The following KPNB1 variants were observed in gnomAD, a reference collection of about 807,000 sequenced individuals.
KPNB1 encodes the protein karyopherin subunit beta 1, also known as importin subunit beta-1.
In KPNB1, 7 loss-of-function variants were observed where a neutral mutation model predicts 113.0. The observed-to-expected ratio is 0.06, with a 90% CI of 0.04 to 0.12. The LOEUF is 0.12. Ranked by LOEUF, KPNB1 falls within the 10% of genes least tolerant of loss-of-function variation. The pLI is 1.00. For synonymous variants in KPNB1, 363 were observed against 378.6 expected, an observed-to-expected ratio of 0.96 and a Z score of 0.48; for missense variants, 400 against 1,054.8, an observed-to-expected ratio of 0.38 and a Z score of 8.60.
intron 5 of KPNB1, 147 bp downstream of exon 5, chr17:47,658,807 T>C: frequency 1.6e-6 from 1 of 642,846 alleles, no homozygotes; most frequent in Non-Finnish European, 2.6e-6. Context: ...CGAGTTCGTA[T>C]TGTGTGAGAT....
chr17:47,674,786 G>A lies in KPNB1; in HGVS notation c.1912+4G>A, dbSNP rs1474841649. On this transcript the variant is annotated splice_donor_region_variant and intron_variant, in intron 15 of 21. Transcript: ENST00000290158. The stretch of plus-strand genomic sequence containing the variant: ...GCAGTTAGCACACTGGTGGAAGGTC[G>A]GTGAGAAATACTGTCTGGTCAGGGA... The A allele has an allele frequency of 2.5e-6, 4 of 1,605,966 alleles. No individual in the cohort carries two copies. The highest frequency in any genetic ancestry group is 1.3e-5 in the African/African-American group (1 of 74,566).
At chr17:47,650,513 C>T in intron 2 of KPNB1, 69 bp downstream of exon 2, 1 of 1,450,628 alleles carries the variant, frequency 6.9e-7, no homozygotes, top group East Asian at 2.4e-5. Flanking sequence ...TTCCCGCCCT[C>T]CCGGAGGCCC....
chr17:47,650,260 A>G lies in KPNB1; in HGVS notation c.16A>G (p.Ile6Val). Residue 6 changes from isoleucine to valine, a missense_variant, in exon 1 of 22, where the codon ATT becomes GTT. This residue lies in a region of KPNB1 where 285 missense variants were observed against 627.0 expected (regional missense o/e 0.45). Transcript: ENST00000290158. MELIT[I>V]LEKTVSPDRL... ...CACCTCCGCCATGGAGCTGATCACCATTCTCGAGAAGACCGTGTCTCCCGG... is the reference window on the plus strand; with the variant it reads ...CACCTCCGCCATGGAGCTGATCACCGTTCTCGAGAAGACCGTGTCTCCCGG... The G allele has an allele frequency of 6.3e-7, 1 of 1,599,226 alleles. No homozygotes were observed. Among genetic ancestry groups the G allele is most frequent in the Non-Finnish European group, 8.5e-7 (1 of 1,174,068 alleles).
chr17:47,661,856 C>T (rs1002447194), intron 6 of KPNB1, among the ~76,000 whole-genome samples: 4 of 152,156 alleles, frequency 2.6e-5, no homozygotes, highest in East Asian at 1.9e-4. Context: ...ACTTCATTGC[C>T]GTAGGTTATT....
At chr17:47,656,802 C>A in intron 3 of KPNB1, 58 bp from the exon 4 acceptor site, 1 of 1,544,512 alleles carries the variant, frequency 6.5e-7, no homozygotes. Flanking sequence ...TGGTGGTGGG[C>A]AAAATGTGGT....
chr17:47,658,597 G>A lies in KPNB1; in HGVS notation c.573G>A (p.Lys191=). The part of the protein sequence containing the change: ...MRKEEPSNNV[K]LAATNALLNS... Reference sequence around the variant, plus strand: ...AAGAAGAGCCTAGTAATAATGTGAAGCTAGCTGCTACGAATGCACTCCTGA... The same window carrying A: ...AAGAAGAGCCTAGTAATAATGTGAAACTAGCTGCTACGAATGCACTCCTGA... Residue 191 remains lysine, a synonymous_variant, in exon 5 of 22, where the codon AAG becomes AAA. Coordinates refer to ENST00000290158, the MANE Select transcript of KPNB1 (RefSeq NM_002265.6). 2 of 1,613,958 alleles carry A rather than the reference G, an allele frequency of 1.2e-6. No homozygotes were observed. Among genetic ancestry groups the A allele is most frequent in the Non-Finnish European group, 1.7e-6 (2 of 1,180,004 alleles).
At chr17:47,668,514 G>A in intron 10 of KPNB1, 104 bp downstream of exon 10, 6 of 862,744 alleles carry the variant, frequency 7.0e-6, no homozygotes, top group Non-Finnish European at 1.1e-5. Context: ...CATCTACAAA[G>A]ATTATCTCTA....
intron 20 of KPNB1, 124 bp from the exon 21 acceptor site, chr17:47,680,384 C>G (rs2030735787): frequency 8.9e-7 from 1 of 1,125,688 alleles, no homozygotes; most frequent in East Asian, 2.4e-5. Context: ...CTAGTGACCT[C>G]TACTGAGGGT....
intron 9 of KPNB1, among the ~76,000 whole-genome samples, 176 bp downstream of exon 9, chr17:47,665,334 G>A (rs903679270): frequency 6.6e-6 from 1 of 152,194 alleles, no homozygotes; most frequent in Non-Finnish European, 1.5e-5. Flanking sequence ...ACTTCTTTGT[G>A]AAGGAGAACT....
At chr17:47,672,453 C>T (rs1052921720) in intron 12 of KPNB1, among the ~76,000 whole-genome samples, 9 of 150,752 alleles carry the variant, frequency 6.0e-5, no homozygotes, top group East Asian at 2.0e-4. Flanking sequence ...GGCTGGAGTG[C>T]GGTCTCGGCC....
intron 6 of KPNB1, among the ~76,000 whole-genome samples, chr17:47,662,781 G>A (rs1472605644): frequency 6.6e-6 from 1 of 152,014 alleles, no homozygotes; most frequent in Non-Finnish European, 1.5e-5. Flanking sequence ...TACTTGGAAG[G>A]CTGAGGCACG....
chr17:47,672,989 C>T (rs2030495919), intron 12 of KPNB1, 29 bp from the exon 13 acceptor site: 1 of 1,593,234 alleles, frequency 6.3e-7, no homozygotes, highest in South Asian at 1.1e-5. Flanking sequence ...TCATTTGAGG[C>T]TTTAAGATTT....
chr17:47,678,425 A>G lies in KPNB1; in HGVS notation c.2353+12A>G. Reference sequence around the variant, plus strand: ...GGAGAACGTACACCGTTGAGTATACAACCCAGTTCCCTTCGTCCGCTCGCC... The same window carrying G: ...GGAGAACGTACACCGTTGAGTATACGACCCAGTTCCCTTCGTCCGCTCGCC... On this transcript the variant is annotated intron_variant, in intron 19 of 21. Transcript: ENST00000290158. 1 of 1,590,330 alleles carries G rather than the reference A, an allele frequency of 6.3e-7. No individual in the cohort carries two copies. Among genetic ancestry groups the G allele is most frequent in the Non-Finnish European group, 8.6e-7 (1 of 1,158,528 alleles).
Position 47,680,146 on chromosome 17 carries a change from C to T in KPNB1, c.2468+12C>T, listed in dbSNP as rs752501304. The T allele has an allele frequency of 1.3e-6, 2 of 1,530,044 alleles. No individual in the cohort carries two copies. Among genetic ancestry groups the T allele is most frequent in the East Asian group, 4.5e-5 (2 of 44,534 alleles). The allele number at this position is 1,530,044 out of a possible 1,614,324, so 94.8% of individuals were successfully genotyped here. A position where few individuals can be genotyped will look rare whatever the true frequency, so the allele number is the denominator to read the frequency against. ...GCTGGACTAATAGGGTAAGTTATACCCTGCTTCTAAGAGCTGAATAGAACT... is the reference window on the plus strand; with the variant it reads ...GCTGGACTAATAGGGTAAGTTATACTCTGCTTCTAAGAGCTGAATAGAACT... On this transcript the variant is annotated intron_variant, in intron 20 of 21. Coordinates refer to ENST00000290158, the MANE Select transcript of KPNB1 (RefSeq NM_002265.6).
Position 47,674,618 on chromosome 17 carries a change from AACTCTT to A in KPNB1, c.1768-15_1768-10del, listed in dbSNP as rs1230609636. 3 of 1,608,522 alleles carry A rather than the reference AACTCTT, an allele frequency of 1.9e-6. No homozygotes were observed. Among genetic ancestry groups the A allele is most frequent in the Non-Finnish European group, 2.5e-6 (3 of 1,176,826 alleles). Reference sequence around the variant, plus strand: ...GGAGATTTGGAATCAACTGATCTTGAACTCTTACTCATTTCACAGAATGTTCTTCGG... The same window carrying A: ...GGAGATTTGGAATCAACTGATCTTGAACTCATTTCACAGAATGTTCTTCGG... On this transcript the variant is annotated splice_polypyrimidine_tract_variant and intron_variant, in intron 14 of 21. Transcript: ENST00000290158.
intron 19 of KPNB1, 78 bp downstream of exon 19, chr17:47,678,491 A>G (rs2030677340): frequency 2.0e-6 from 2 of 999,602 alleles, no homozygotes. Flanking sequence ...GTCATTCTGT[A>G]GCTCGCTTGT....
At chr17:47,676,275 G>A (rs190876676) in intron 15 of KPNB1, 134 bp from the exon 16 acceptor site, 11 of 662,102 alleles carry the variant, frequency 1.7e-5, no homozygotes, top group Admixed American at 2.6e-5. Context: ...TGATGGAATC[G>A]GTAACTAAAG....
chr17:47,680,282 T>C, intron 20 of KPNB1, 148 bp downstream of exon 20: 1 of 753,100 alleles, frequency 1.3e-6, no homozygotes, highest in Non-Finnish European at 2.2e-6. Context: ...CATGTCCTGT[T>C]TTGAGTGTTC....
At chr17:47,656,786 T>C (rs1745424443) in intron 3 of KPNB1, 74 bp from the exon 4 acceptor site, 1 of 1,404,166 alleles carries the variant, frequency 7.1e-7, no homozygotes, top group African/African-American at 1.4e-5. Context: ...GACACTAATA[T>C]AAGTATGGTG....
Sources: gnomAD v4.1 joint callset for allele counts (sites outside exome capture counted in the v4.1 genomes callset) on GRCh38, gnomAD v4.1.1 for gene constraint, gnomAD v4.1.1 regional missense constraint, MANE v1.5 for transcripts, NCBI Gene and HGNC (gene_info 2026-07-23, HGNC 2026-07-21) for gene names.